Variants in SLC4A10 observed in about 807,000 individuals in gnomAD.
The protein encoded by SLC4A10 is sodium-driven chloride bicarbonate exchanger.
In SLC4A10, 42 loss-of-function variants were observed where a neutral mutation model predicts 137.7. The observed-to-expected ratio is 0.30, with a 90% CI of 0.24 to 0.39. The LOEUF is 0.39. Among genes scored for constraint, SLC4A10 ranks in the 10% least tolerant of loss-of-function variants. SLC4A10 has a pLI of 1.00. For missense variants in SLC4A10, 925 were observed against 1,355.0 expected, an observed-to-expected ratio of 0.68 and a Z score of 4.98; for synonymous variants, 474 against 464.1, an observed-to-expected ratio of 1.02 and a Z score of -0.27.
intron 17 of SLC4A10, 26 bp from the exon 18 acceptor site, chr2:161,949,122 G>T: frequency 2.0e-6 from 3 of 1,475,172 alleles, no homozygotes; most frequent in Non-Finnish European, 2.8e-6. Flanking sequence ...GCTACTTTAA[G>T]TGACAAGTGT....
At chr2:161,805,841 A>C (rs991403834) in intron 3 of SLC4A10, among the ~76,000 whole-genome samples, 1 of 152,190 alleles carries the variant, frequency 6.6e-6, no homozygotes, top group South Asian at 2.1e-4. Flanking sequence ...TTCTGCAGTC[A>C]GGAGGACAGT....
At chr2:161,629,163 A>G (rs902382309) in intron 1 of SLC4A10, among the ~76,000 whole-genome samples, 1 of 151,958 alleles carries the variant, frequency 6.6e-6, no homozygotes, top group Non-Finnish European at 1.5e-5. Flanking sequence ...AGGACACATG[A>G]CAATGATCAT....
At chr2:161,626,457 T>C (rs2032383827) in intron 1 of SLC4A10, among the ~76,000 whole-genome samples, 1 of 152,114 alleles carries the variant, frequency 6.6e-6, no homozygotes, top group African/African-American at 2.4e-5. Flanking sequence ...AAAGTTTGCA[T>C]GTCATGGGGT....
At chr2:161,840,861 T>C (rs2059138509) in intron 4 of SLC4A10, among the ~76,000 whole-genome samples, 1 of 152,152 alleles carries the variant, frequency 6.6e-6, no homozygotes, top group Non-Finnish European at 1.5e-5. Context: ...GTGTAAAATG[T>C]TTTGGGTTTG....
intron 1 of SLC4A10, among the ~76,000 whole-genome samples, chr2:161,703,801 A>C (rs1221773108): frequency 6.6e-6 from 1 of 151,662 alleles, no homozygotes; most frequent in African/African-American, 2.4e-5. Context: ...TAGGAAGGCA[A>C]AGTTGTTTTA....
At chr2:161,900,437 T>A (rs992077397) in intron 11 of SLC4A10, among the ~76,000 whole-genome samples, 14 of 152,144 alleles carry the variant, frequency 9.2e-5, no homozygotes, top group Non-Finnish European at 1.8e-4. Context: ...ACCACCATAC[T>A]TAACACCTCC....
At chr2:161,711,551 T>C (rs143335178) in intron 1 of SLC4A10, among the ~76,000 whole-genome samples, 22 of 151,896 alleles carry the variant, frequency 1.4e-4, no homozygotes, top group Non-Finnish European at 2.2e-4. Flanking sequence ...CATTCCAATA[T>C]GTTTGCTGAA....
intron 1 of SLC4A10, among the ~76,000 whole-genome samples, chr2:161,688,131 A>G (rs1040819736): frequency 2.6e-5 from 4 of 152,230 alleles, no homozygotes; most frequent in Non-Finnish European, 5.9e-5. Context: ...ATAGTAAAAG[A>G]ATTACTTAGG....
At chr2:161,825,631 T>C (rs1421469790) in intron 3 of SLC4A10, among the ~76,000 whole-genome samples, 1 of 152,188 alleles carries the variant, frequency 6.6e-6, no homozygotes, top group East Asian at 1.9e-4. Flanking sequence ...TTATGTATGA[T>C]TCACAGAAGA....
chr2:161,923,703 T>G (rs7580708), intron 15 of SLC4A10, among the ~76,000 whole-genome samples: 46,836 of 151,112 alleles, frequency 0.31, 7,554 homozygotes, highest in Admixed American at 0.4. Flanking sequence ...AAGGATAGCA[T>G]TAGGAGATAT....
chr2:161,635,799 A>G (rs1038860937), intron 1 of SLC4A10, among the ~76,000 whole-genome samples: 1 of 152,080 alleles, frequency 6.6e-6, no homozygotes, highest in Admixed American at 6.6e-5. Flanking sequence ...TTGTGCTGTT[A>G]ATCACTGGTC....
At chr2:161,707,065 T>C (rs2125039913) in intron 1 of SLC4A10, among the ~76,000 whole-genome samples, 1 of 151,640 alleles carries the variant, frequency 6.6e-6, no homozygotes, top group South Asian at 2.1e-4. Context: ...TAGGAAGGCT[T>C]TATTGAGAAG....
intron 1 of SLC4A10, among the ~76,000 whole-genome samples, chr2:161,655,588 GAATTCTATCA>G: frequency 6.6e-6 from 1 of 152,206 alleles, no homozygotes; most frequent in East Asian, 1.9e-4. Flanking sequence ...CTTCACTGGT[GAATTCTATCA>G]AATAGTTAAG....
chr2:161,814,083 A>G (rs2056827901), intron 3 of SLC4A10, among the ~76,000 whole-genome samples: 1 of 152,120 alleles, frequency 6.6e-6, no homozygotes, highest in African/African-American at 2.4e-5. Context: ...ACAACTCAAC[A>G]AGCAAAAATC....
At chr2:161,672,510 ATT>A (rs60944897) in intron 1 of SLC4A10, among the ~76,000 whole-genome samples, 25 of 147,298 alleles carry the variant, frequency 1.7e-4, no homozygotes, top group Non-Finnish European at 2.0e-4. Context: ...TCTAAAAAAA[ATT>A]TTTTTTTTTT....
Position 161,983,210 on chromosome 2 carries a change from T to C in SLC4A10, c.*58T>C. ...AAGCCGAAAAGAGAAGAAAGCTGAC[T>C]CAGGGAAAGGTGTTGACAGGGAGAC... On this transcript the variant is annotated 3_prime_UTR_variant, in exon 27 of 27. Coordinates refer to ENST00000446997, the MANE Select transcript of SLC4A10 (RefSeq NM_001178015.2). 1 of 1,536,782 alleles carries C rather than the reference T, an allele frequency of 6.5e-7. No homozygotes were observed.
chr2:161,655,795 T>C (rs530173274), intron 1 of SLC4A10, among the ~76,000 whole-genome samples: 2 of 150,530 alleles, frequency 1.3e-5, no homozygotes, highest in African/African-American at 5.0e-5. Flanking sequence ...CGAATTGTAG[T>C]CAACACACAT....
intron 1 of SLC4A10, among the ~76,000 whole-genome samples, chr2:161,689,524 T>C (rs1461918656): frequency 6.6e-6 from 1 of 152,214 alleles, no homozygotes; most frequent in Non-Finnish European, 1.5e-5. Context: ...AGGTGTGTAG[T>C]AGGCTATCCC....
chr2:161,937,737 C>G (rs1403815085), intron 15 of SLC4A10, among the ~76,000 whole-genome samples: 2 of 152,118 alleles, frequency 1.3e-5, no homozygotes, highest in Non-Finnish European at 2.9e-5. Flanking sequence ...GTTAATTAAG[C>G]ATTGTGCAGA....
Sources: gnomAD v4.1 joint callset for allele counts (sites outside exome capture counted in the v4.1 genomes callset) on GRCh38, gnomAD v4.1.1 for gene constraint, MANE v1.5 for transcripts, NCBI Gene and HGNC (gene_info 2026-07-23, HGNC 2026-07-21) for gene names.